The following PANX1 variants were observed in gnomAD, a reference collection of about 807,000 sequenced individuals.
PANX1 encodes the protein pannexin 1, also known as pannexin-1.
Under a neutral mutation model 38.7 loss-of-function variants are expected in PANX1, and 30 were observed. That is an observed-to-expected ratio of 0.78 (90% CI 0.58 to 1.05). PANX1 has a LOEUF of 1.05. PANX1 is among the 50% of genes least tolerant of loss of function. PANX1 has a pLI of 0.00. For synonymous variants in PANX1, 230 were observed against 212.2 expected (o/e 1.08, Z -0.73); for missense variants, 551 against 517.2 (o/e 1.07, Z -0.63).
At chr11:94,153,433 G>A in intron 1 of PANX1, 58 bp from the exon 2 acceptor site, 1 of 1,575,462 alleles carries the variant, frequency 6.3e-7, no homozygotes, top group Non-Finnish European at 8.7e-7. Flanking sequence ...ATGTGAGATG[G>A]GGACAAGAGT....
At chr11:94,146,255 C>T (rs1373695634) in intron 1 of PANX1, among the ~76,000 whole-genome samples, 1 of 152,194 alleles carries the variant, frequency 6.6e-6, no homozygotes, top group African/African-American at 2.4e-5. Flanking sequence ...CAAAGGATTA[C>T]GTGAGTCCAT....
intron 1 of PANX1, among the ~76,000 whole-genome samples, chr11:94,139,412 T>G (rs1946735174): frequency 6.6e-6 from 1 of 152,254 alleles, no homozygotes; most frequent in South Asian, 2.1e-4. Context: ...GGATCCTTAC[T>G]GGAAACTTGT....
At chr11:94,169,484 C>A (rs7950317) in intron 2 of PANX1, among the ~76,000 whole-genome samples, 2 of 151,308 alleles carry the variant, frequency 1.3e-5, no homozygotes, top group Admixed American at 1.3e-4. Flanking sequence ...AGTTTTAACC[C>A]AGTGTGCCCT....
intron 1 of PANX1, among the ~76,000 whole-genome samples, chr11:94,137,967 C>T (rs1946720883): frequency 6.8e-6 from 1 of 147,778 alleles, no homozygotes; most frequent in South Asian, 2.1e-4. Context: ...GTGCACGTGT[C>T]AAAATTTAAC....
At chr11:94,130,854 GA>G (rs1432116270) in intron 1 of PANX1, among the ~76,000 whole-genome samples, 1 of 152,232 alleles carries the variant, frequency 6.6e-6, no homozygotes. Context: ...GATTAGGAAA[GA>G]ATGACTATGA....
chr11:94,134,422 T>TA (rs1442795576), intron 1 of PANX1, among the ~76,000 whole-genome samples: 1 of 152,196 alleles, frequency 6.6e-6, no homozygotes, highest in Non-Finnish European at 1.5e-5. Context: ...ATTCTAGAAG[T>TA]ATTTCTCTAA....
chr11:94,144,754 C>T (rs900707127), intron 1 of PANX1, among the ~76,000 whole-genome samples: 1 of 152,180 alleles, frequency 6.6e-6, no homozygotes, highest in African/African-American at 2.4e-5. Flanking sequence ...GCCATTCATC[C>T]TCAGGGTGTC....
chr11:94,148,338 T>TG (rs1946849526), intron 1 of PANX1, among the ~76,000 whole-genome samples: 1 of 152,216 alleles, frequency 6.6e-6, no homozygotes. Flanking sequence ...TGTAACATTA[T>TG]TGTATTTTAT....
chr11:94,148,559 TCTCA>T (rs574640635), intron 1 of PANX1, among the ~76,000 whole-genome samples: 79 of 152,294 alleles, frequency 5.2e-4, no homozygotes, highest in African/African-American at 1.8e-3. Flanking sequence ...GTATGATTGT[TCTCA>T]CTGAGAATTT....
chr11:94,158,927 A>G (rs1229292998), intron 2 of PANX1, among the ~76,000 whole-genome samples: 4 of 152,312 alleles, frequency 2.6e-5, no homozygotes, highest in African/African-American at 4.8e-5. Context: ...CGTGCCATCA[A>G]TACGTAATTT....
chr11:94,174,627 C>T (rs1051927152), intron 2 of PANX1, among the ~76,000 whole-genome samples: 1 of 151,590 alleles, frequency 6.6e-6, no homozygotes, highest in African/African-American at 2.4e-5. Flanking sequence ...AATCTTGGGG[C>T]AGACTCTGTG....
rs554132134 is a variant in PANX1, at chr11:94,161,918, T to C, written c.321+8288T>C. Among the ~76,000 whole-genome samples, 8 of 152,326 alleles carry C rather than the reference T, an allele frequency of 5.3e-5. No homozygotes were observed. In the South Asian group the frequency reaches 1.5e-3, roughly 28 times the overall value. On this transcript the variant is annotated intron_variant, in intron 2 of 4. Coordinates refer to ENST00000227638, the MANE Select transcript of PANX1 (RefSeq NM_015368.4). The stretch of plus-strand genomic sequence containing the variant: ...TTTTGGTGTGGATGTCCTTTCTCTT[T>C]GTTAGTTTTCCTTCTAACAGTCAGC...
chr11:94,167,002 A>G (rs985779553), intron 2 of PANX1, among the ~76,000 whole-genome samples: 1 of 151,714 alleles, frequency 6.6e-6, no homozygotes, highest in African/African-American at 2.4e-5. Flanking sequence ...CACTTTAGTC[A>G]GTTGGTGGTG....
intron 2 of PANX1, among the ~76,000 whole-genome samples, chr11:94,156,121 A>AT (rs898862713): frequency 3.3e-5 from 5 of 152,154 alleles, no homozygotes; most frequent in African/African-American, 7.2e-5. Flanking sequence ...AAACTGAAAG[A>AT]TTTTTTATCC....
At chr11:94,142,043 T>G (rs980271419) in intron 1 of PANX1, among the ~76,000 whole-genome samples, 11 of 152,148 alleles carry the variant, frequency 7.2e-5, no homozygotes, top group Admixed American at 5.2e-4. Flanking sequence ...AGTGCATTGC[T>G]CTTTCCAGAG....
At position 94,163,074 on chromosome 11, in the gene PANX1, C is replaced by A. The variant is rs565284413; in HGVS notation, c.321+9444C>A. On this transcript the variant is annotated intron_variant, in intron 2 of 4. Coordinates refer to ENST00000227638, the MANE Select transcript of PANX1 (RefSeq NM_015368.4). ...TTTTTTGTAGAAATGGTCTCAAACTCCCGAGTTCAAGAGATCCACTTATCT... is the reference window on the plus strand; with the variant it reads ...TTTTTTGTAGAAATGGTCTCAAACTACCGAGTTCAAGAGATCCACTTATCT... Among the ~76,000 whole-genome samples, 6 of 152,116 alleles carry A rather than the reference C, an allele frequency of 3.9e-5. No individual in the cohort carries two copies. The South Asian group carries it at 1.2e-3, about 32-fold the overall frequency.
intron 1 of PANX1, among the ~76,000 whole-genome samples, chr11:94,143,801 T>TGTA (rs1946793426): frequency 6.6e-6 from 1 of 151,194 alleles, no homozygotes; most frequent in African/African-American, 2.4e-5. Flanking sequence ...CAGACTGGAG[T>TGTA]GTAGTGATGG....
intron 1 of PANX1, among the ~76,000 whole-genome samples, chr11:94,133,465 G>A (rs1011665464): frequency 2.0e-5 from 3 of 152,096 alleles, no homozygotes; most frequent in Non-Finnish European, 2.9e-5. Context: ...CCCTGTGATA[G>A]TGAGAATTAC....
intron 2 of PANX1, among the ~76,000 whole-genome samples, chr11:94,163,330 TC>T (rs1947069871): frequency 6.6e-6 from 1 of 152,222 alleles, no homozygotes; most frequent in South Asian, 2.1e-4. Context: ...TTTCAGTTTT[TC>T]CCCATTCTTT....
Sources: gnomAD v4.1 joint callset for allele counts (sites outside exome capture counted in the v4.1 genomes callset) on GRCh38, gnomAD v4.1.1 for gene constraint, MANE v1.5 for transcripts, NCBI Gene and HGNC (gene_info 2026-07-23, HGNC 2026-07-21) for gene names.